Variants in WNK3 observed in about 807,000 individuals in gnomAD.
The protein encoded by WNK3 is serine/threonine-protein kinase WNK3.
WNK3 carries 18 observed loss-of-function variants against 116.7 expected under a neutral mutation model. The observed-to-expected ratio is 0.15, with a 90% CI of 0.11 to 0.23. WNK3 has a LOEUF of 0.23. Ranked by LOEUF, WNK3 falls within the 10% of genes least tolerant of loss-of-function variation. WNK3 has a pLI of 1.00. For synonymous variants in WNK3, 404 were observed against 469.4 expected, an observed-to-expected ratio of 0.86 and a Z score of 1.80; for missense variants, 993 against 1,323.8, an observed-to-expected ratio of 0.75 and a Z score of 3.88.
At chrX:54,307,126 C>T (rs1202040339) in intron 5 of WNK3, among the ~76,000 whole-genome samples, 2 of 106,539 alleles carry the variant, frequency 1.9e-5, no homozygotes, top group East Asian at 5.9e-4. Context: ...ATTTGGGAGG[C>T]TGAGGCAGGA....
chrX:54,199,446 A>C (rs1416705919), intron 23 of WNK3, among the ~76,000 whole-genome samples: 6 of 111,609 alleles, frequency 5.4e-5, no homozygotes, highest in Non-Finnish European at 1.1e-4. Flanking sequence ...CCTCCAATAA[A>C]TAATCCTTTT....
chrX:54,337,517 C>T (rs1170317720), intron 1 of WNK3, among the ~76,000 whole-genome samples: 2 of 106,881 alleles, frequency 1.9e-5, no homozygotes, highest in Admixed American at 1.0e-4. Flanking sequence ...CGAGATTGCG[C>T]CACTGCACGC....
At chrX:54,207,140 T>A (rs1420006596) in intron 22 of WNK3, among the ~76,000 whole-genome samples, 6 of 110,060 alleles carry the variant, frequency 5.5e-5, no homozygotes, top group African/African-American at 2.0e-4. Context: ...AGCATGAGGG[T>A]TCCCACTTGT....
At chrX:54,297,669 G>C (rs2068712693) in intron 7 of WNK3, among the ~76,000 whole-genome samples, 1 of 111,195 alleles carries the variant, frequency 9.0e-6, no homozygotes, top group Non-Finnish European at 1.9e-5. Flanking sequence ...TAAGGTAATG[G>C]TAATGTTCTA....
At chrX:54,328,432 G>C (rs2069130527) in intron 2 of WNK3, among the ~76,000 whole-genome samples, 1 of 110,024 alleles carries the variant, frequency 9.1e-6, no homozygotes, top group African/African-American at 3.3e-5. Flanking sequence ...CATTTTGGGA[G>C]GCTAAGGCAT....
At chrX:54,349,849 C>T (rs2069490076) in intron 1 of WNK3, among the ~76,000 whole-genome samples, 1 of 111,264 alleles carries the variant, frequency 9.0e-6, no homozygotes, top group Non-Finnish European at 1.9e-5. Context: ...CACTGCACTC[C>T]AGCCTAGTCA....
chrX:54,211,179 C>T (rs2067608245), intron 22 of WNK3, among the ~76,000 whole-genome samples: 1 of 111,720 alleles, frequency 9.0e-6, no homozygotes, highest in South Asian at 3.7e-4. Context: ...TGGTGGCTCA[C>T]ACCTGTAATC....
At chrX:54,270,801 C>T in intron 10 of WNK3, among the ~76,000 whole-genome samples, 1 of 110,990 alleles carries the variant, frequency 9.0e-6, no homozygotes, top group Non-Finnish European at 1.9e-5. Context: ...TCTCATTGTT[C>T]AGCTCCCACT....
intron 22 of WNK3, among the ~76,000 whole-genome samples, chrX:54,217,992 A>G (rs782055095): frequency 1.8e-5 from 2 of 111,874 alleles, no homozygotes; most frequent in East Asian, 5.6e-4. Flanking sequence ...CATATGCAGG[A>G]AAAAAGGGGA....
At chrX:54,337,895 C>T (rs1174533187) in intron 1 of WNK3, among the ~76,000 whole-genome samples, 10 of 110,410 alleles carry the variant, frequency 9.1e-5, no homozygotes, top group Non-Finnish European at 1.7e-4. Context: ...GGCAAGACCC[C>T]ATCTCTACAA....
chrX:54,248,024 C>T (rs1310134792), intron 17 of WNK3, among the ~76,000 whole-genome samples: 1 of 110,586 alleles, frequency 9.0e-6, no homozygotes, highest in East Asian at 2.8e-4. Flanking sequence ...AGGTGGATCA[C>T]GAGGTCAAGA....
intron 15 of WNK3, among the ~76,000 whole-genome samples, chrX:54,250,935 ATCT>A (rs1557154015): frequency 2.7e-5 from 3 of 111,551 alleles, no homozygotes. Context: ...TTTATCTGGT[ATCT>A]GATTTACTAA....
rs1162943338 is a variant in WNK3 at position 54,337,597 on chromosome X, T to TAAATAAATAAATAAATAAATAAAA, written c.-119-3806_-119-3805insTTTTATTTATTTATTTATTTATTT. Among the ~76,000 whole-genome samples the TAAATAAATAAATAAATAAATAAAA allele has an allele frequency of 2.9e-5, 3 of 105,194 alleles. No individual in the cohort carries two copies. The East Asian group carries it at 8.8e-4, about 31-fold the overall frequency. The allele number at this position is 105,194 out of a possible 115,157, so 91.3% of individuals were successfully genotyped here. Reference sequence around the variant, plus strand: ...ATAAATAAATAAATAAATAAATAAATAAAATATTTGAGGCCAGGTGCAATG... The same window carrying TAAATAAATAAATAAATAAATAAAA: ...ATAAATAAATAAATAAATAAATAAATAAATAAATAAATAAATAAATAAAAAAAATATTTGAGGCCAGGTGCAATG... On this transcript the variant is annotated intron_variant, in intron 1 of 23. Coordinates refer to ENST00000354646, the Ensembl canonical transcript of WNK3.
At chrX:54,279,049 CAA>C (rs1251703377) in intron 10 of WNK3, among the ~76,000 whole-genome samples, 15 of 110,192 alleles carry the variant, frequency 1.4e-4, no homozygotes, top group African/African-American at 4.6e-4. Context: ...GCCTGGGCGA[CAA>C]GAGCGAAACT....
At chrX:54,320,588 T>C (rs2147213992) in intron 2 of WNK3, among the ~76,000 whole-genome samples, 1 of 111,392 alleles carries the variant, frequency 9.0e-6, no homozygotes, top group South Asian at 3.8e-4. Context: ...AGTGGCACGA[T>C]CATAGTTCAC....
rs1439404693 is a variant in WNK3, at chrX:54,222,906, AATAATAATAAT to A, written c.4870+5797_4870+5807del. ...AAAAAAAGTATAGTATAATAATAAT[AATAATAATAAT>A]ATATATATATATATATATATATAAA... On this transcript the variant is annotated intron_variant, in intron 22 of 23. Coordinates refer to ENST00000354646, the Ensembl canonical transcript of WNK3. Among the ~76,000 whole-genome samples, 9 of 87,156 alleles carry A rather than the reference AATAATAATAAT, an allele frequency of 1.0e-4. No homozygotes were observed. The Admixed American group carries it at 1.3e-3, about 12-fold the overall frequency. The allele number at this position is 87,156 out of a possible 115,157, so 75.7% of individuals were successfully genotyped here. A position where few individuals can be genotyped will look rare whatever the true frequency, so the allele number is the denominator to read the frequency against.
At chrX:54,197,727 C>CA (rs1352459386) in exon 24 of WNK3, 134 of 66,067 alleles carry the variant, frequency 2.0e-3, no homozygotes, top group Admixed American at 5.4e-3. Flanking sequence ...GACTCCATCT[C>CA]AAAAAAAAAA....
intron 22 of WNK3, among the ~76,000 whole-genome samples, chrX:54,216,204 A>G: frequency 9.2e-6 from 1 of 109,159 alleles, no homozygotes; most frequent in Admixed American, 9.9e-5. Context: ...TCACATGTTT[A>G]TCTGCTGACC....
chrX:54,210,763 C>T (rs1256164099), intron 22 of WNK3, among the ~76,000 whole-genome samples: 3 of 111,908 alleles, frequency 2.7e-5, no homozygotes, highest in African/African-American at 9.7e-5. Context: ...TTCTGGCTTC[C>T]AGTATGACAG....
Sources: allele counts gnomAD v4.1 joint callset (sites outside exome capture counted in the v4.1 genomes callset), GRCh38; gene constraint gnomAD v4.1.1; transcripts MANE v1.5; gene names NCBI Gene and HGNC (gene_info 2026-07-23, HGNC 2026-07-21).